Variants in MOB1A observed in about 807,000 individuals in gnomAD.
MOB1A encodes MOB1 Mps One Binder homolog A.
MOB1A carries 10 observed loss-of-function variants against 25.1 expected under a neutral mutation model. The observed-to-expected ratio is 0.40, with a 90% CI of 0.25 to 0.68. MOB1A has a LOEUF of 0.68. MOB1A is among the 30% of genes least tolerant of loss of function. The probability of loss-of-function intolerance (pLI) is 0.40; values close to 1 mark genes in which losing one functional copy is unlikely to be tolerated. For missense variants in MOB1A, 177 were observed against 256.3 expected, an observed-to-expected ratio of 0.69 and a Z score of 2.11; for synonymous variants, 81 against 79.5, an observed-to-expected ratio of 1.02 and a Z score of -0.10.
intron 5 of MOB1A, among the ~76,000 whole-genome samples, 187 bp from the exon 6 acceptor site, chr2:74,156,832 G>A (rs1692820359): frequency 6.6e-6 from 1 of 151,478 alleles, no homozygotes; most frequent in Non-Finnish European, 1.5e-5. Flanking sequence ...TACAGATGTG[G>A]TCTATGTTGC....
chr2:74,164,532 T>A (rs6750017), intron 4 of MOB1A: 18,617 of 145,628 alleles, frequency 0.13, 1,616 homozygotes, highest in East Asian at 0.36. Context: ...AATAAAAAAA[T>A]AAAAAAAGAA....
At chr2:74,162,279 G>A (rs183771480) in intron 4 of MOB1A, among the ~76,000 whole-genome samples, 17 of 152,158 alleles carry the variant, frequency 1.1e-4, no homozygotes, top group African/African-American at 3.6e-4. Context: ...TCAGGAGTTC[G>A]AGACCAGCCT....
At chr2:74,161,082 C>T (rs772335402) in intron 4 of MOB1A, among the ~76,000 whole-genome samples, 1 of 152,110 alleles carries the variant, frequency 6.6e-6, no homozygotes, top group East Asian at 1.9e-4. Flanking sequence ...TAAAAATAAA[C>T]CTACATTAGT....
chr2:74,162,287 C>T (rs1692995469), intron 4 of MOB1A, among the ~76,000 whole-genome samples: 1 of 152,224 alleles, frequency 6.6e-6, no homozygotes, highest in Admixed American at 6.5e-5. Context: ...TCGAGACCAG[C>T]CTGGCCAACA....
At chr2:74,176,556 A>T (rs1693475915) in intron 1 of MOB1A, among the ~76,000 whole-genome samples, 1 of 151,906 alleles carries the variant, frequency 6.6e-6, no homozygotes, top group Admixed American at 6.6e-5. Context: ...CTAGGTCAGG[A>T]TATTGAGACC....
chr2:74,178,616 A>G, intron 1 of MOB1A, 45 bp downstream of exon 1: 1 of 1,360,794 alleles, frequency 7.3e-7, no homozygotes, highest in Non-Finnish European at 9.6e-7. Flanking sequence ...CCTCCCCCAC[A>G]ACCTCGGCCC....
At position 74,159,643 on chromosome 2, in the gene MOB1A, C is replaced by T. The variant is rs555612964; in HGVS notation, c.410-389G>A. Among the ~76,000 whole-genome samples the T allele has an allele frequency of 2.6e-5, 4 of 152,222 alleles. No homozygotes were observed. In the East Asian group the frequency reaches 7.7e-4, roughly 29 times the overall value. On this transcript the variant is annotated intron_variant, in intron 4 of 5. Transcript: ENST00000396049. The stretch of plus-strand genomic sequence containing the variant: ...ATATAAACACACACATTCATAAATA[C>T]ACACAAACCTACCTCTGTATATATT...
In MOB1A at chr2:74,156,448, C is replaced by T; in HGVS notation, c.*120G>A. On this transcript the variant is annotated 3_prime_UTR_variant, in exon 6 of 6. Transcript: ENST00000396049. ...GGATAATTTTATCAGTAGACACAGG[C>T]AATGGGTATCTTTTTATCCTGTTTT... is the stretch of plus-strand genomic sequence containing the variant. 1.3e-6 allele frequency: 1 copy of T among 790,972 alleles called. No individual in the cohort carries two copies. Among genetic ancestry groups the T allele is most frequent in the Non-Finnish European group, 2.1e-6 (1 of 472,306 alleles). 49.0% of individuals were successfully genotyped at this position (790,972 alleles called of 1,614,324 possible). A position where few individuals can be genotyped will look rare whatever the true frequency, so the allele number is the denominator to read the frequency against.
At chr2:74,175,675 G>T (rs1693432068) in intron 1 of MOB1A, among the ~76,000 whole-genome samples, 1 of 152,164 alleles carries the variant, frequency 6.6e-6, no homozygotes, top group Non-Finnish European at 1.5e-5. Context: ...TTTATCAGTA[G>T]AGGATTGAAT....
rs1692796360 is a variant in MOB1A, at chr2:74,156,015, A to C, written c.*553T>G. ...AAAAATAGACGTATCTTATCTATAA[A>C]AACACTACCATACAAACTTGAAACT... is the stretch of plus-strand genomic sequence containing the variant. On this transcript the variant is annotated 3_prime_UTR_variant, in exon 6 of 6. Coordinates refer to ENST00000396049, the MANE Select transcript of MOB1A (RefSeq NM_018221.5). 1.3e-5 allele frequency: 2 copies of C among 152,720 alleles called. No individual in the cohort carries two copies. The highest frequency in any genetic ancestry group is 2.9e-5 in the Non-Finnish European group (2 of 68,056). The allele number at this position is 152,720 out of a possible 1,614,324, so 9.5% of individuals were successfully genotyped here.
intron 4 of MOB1A, among the ~76,000 whole-genome samples, chr2:74,161,301 G>C (rs1009733825): frequency 9.9e-5 from 15 of 152,150 alleles, no homozygotes; most frequent in African/African-American, 3.6e-4. Flanking sequence ...TTATCCTGGA[G>C]CTTACAGGCA....
At chr2:74,170,669 A>C (rs1693266583) in intron 2 of MOB1A, among the ~76,000 whole-genome samples, 1 of 143,780 alleles carries the variant, frequency 7.0e-6, no homozygotes, top group Non-Finnish European at 1.5e-5. Flanking sequence ...CAGGAGGAGG[A>C]GGTTGCAATG....
chr2:74,165,111 G>C, intron 4 of MOB1A, 107 bp downstream of exon 4: 1 of 802,534 alleles, frequency 1.2e-6, no homozygotes, highest in South Asian at 2.7e-5. Flanking sequence ...CTTGAGGCCA[G>C]GAGTTTGAGA....
intron 2 of MOB1A, among the ~76,000 whole-genome samples, chr2:74,171,288 A>C (rs1436967005): frequency 6.6e-6 from 1 of 151,688 alleles, no homozygotes; most frequent in African/African-American, 2.4e-5. Context: ...ACTCCATCTC[A>C]AAAAATAAAA....
rs2103674112 is a variant in MOB1A, at chr2:74,153,087, G to A, written c.*3481C>T. On this transcript the variant is annotated 3_prime_UTR_variant, in exon 6 of 6. Transcript: ENST00000396049. ...ACTAAATTCCCTTATGGATCTCAGGGGGAAATAATGTGCCTGTTGAAGGGG... is the reference window on the plus strand; with the variant it reads ...ACTAAATTCCCTTATGGATCTCAGGAGGAAATAATGTGCCTGTTGAAGGGG... 1 of 152,224 alleles carries A rather than the reference G, an allele frequency of 6.6e-6. No homozygotes were observed. The highest frequency in any genetic ancestry group is 1.9e-4 in the East Asian group (1 of 5,184). 9.4% of individuals were successfully genotyped at this position (152,224 alleles called of 1,614,324 possible). A position where few individuals can be genotyped will look rare whatever the true frequency, so the allele number is the denominator to read the frequency against.
intron 1 of MOB1A, among the ~76,000 whole-genome samples, chr2:74,176,742 C>A (rs891167609): frequency 7.1e-6 from 1 of 141,634 alleles, no homozygotes; most frequent in African/African-American, 2.7e-5. Flanking sequence ...CCAGCCTGGG[C>A]GACAGAGCAA....
At chr2:74,167,245 C>A in intron 2 of MOB1A, 138 bp from the exon 3 acceptor site, 1 of 634,502 alleles carries the variant, frequency 1.6e-6, no homozygotes, top group Non-Finnish European at 2.8e-6. Flanking sequence ...GATACTGTAA[C>A]TTGTAGTATA....
chr2:74,159,286 T>G (rs1263285060), intron 4 of MOB1A, 32 bp from the exon 5 acceptor site: 2 of 1,594,280 alleles, frequency 1.3e-6, no homozygotes, highest in Admixed American at 1.7e-5. Context: ...AAACAATTAT[T>G]TGGTTATCTA....
At chr2:74,173,778 G>A (rs1424802628) in intron 1 of MOB1A, among the ~76,000 whole-genome samples, 9 of 149,876 alleles carry the variant, frequency 6.0e-5, no homozygotes, top group African/African-American at 1.7e-4. Flanking sequence ...GTGAAACCCC[G>A]TCTCTACTAA....
Sources: allele counts gnomAD v4.1 joint callset (sites outside exome capture counted in the v4.1 genomes callset), GRCh38; gene constraint gnomAD v4.1.1; transcripts MANE v1.5; gene names NCBI Gene and HGNC (gene_info 2026-07-23, HGNC 2026-07-21).